The following DMD variants were observed in gnomAD, a reference collection of about 807,000 sequenced individuals.
DMD encodes the protein mutant dystrophin.
DMD carries 63 observed loss-of-function variants against 330.1 expected under a neutral mutation model. The ratio of observed to expected loss-of-function variants is 0.19; its 90% confidence interval spans 0.16 to 0.24. The LOEUF (loss-of-function observed/expected upper bound fraction) is 0.24. DMD is among the 10% of genes least tolerant of loss of function. The pLI, the probability that DMD is intolerant of heterozygous loss-of-function variation, is 1.00. For synonymous variants in DMD, 1,223 were observed against 959.8 expected (o/e 1.27, Z -5.07); for missense variants, 3,344 against 2,684.1 (o/e 1.25, Z -5.43).
At chrX:32,842,378 T>G (rs1374850971) in intron 4 of DMD, among the ~76,000 whole-genome samples, 2 of 112,053 alleles carry the variant, frequency 1.8e-5, no homozygotes, top group Non-Finnish European at 3.8e-5. Flanking sequence ...GCCCTATTCT[T>G]TTGCTCATTG....
intron 76 of DMD, among the ~76,000 whole-genome samples, chrX:31,142,494 A>G (rs952088569): frequency 1.1e-4 from 12 of 112,739 alleles, no homozygotes; most frequent in East Asian, 2.8e-4. Flanking sequence ...ATAGCTATAA[A>G]GCAAATGTGG....
At chrX:32,469,173 A>T (rs1310834071) in intron 22 of DMD, among the ~76,000 whole-genome samples, 1 of 110,537 alleles carries the variant, frequency 9.0e-6, no homozygotes, top group African/African-American at 3.3e-5. Flanking sequence ...ATATATTTTC[A>T]AAAAATGTTA....
chrX:32,639,419 C>T (rs2059307316), intron 11 of DMD, among the ~76,000 whole-genome samples: 2 of 111,405 alleles, frequency 1.8e-5, no homozygotes, highest in South Asian at 3.8e-4. Context: ...GGGGTTCTAA[C>T]AAAACCACAT....
intron 23 of DMD, among the ~76,000 whole-genome samples, chrX:32,465,601 T>TG (rs1469872908): frequency 1.0e-5 from 1 of 99,183 alleles, no homozygotes; most frequent in African/African-American, 3.7e-5. Context: ...TTTTTTTTTT[T>TG]TTGAGATGGA....
intron 71 of DMD, among the ~76,000 whole-genome samples, chrX:31,174,353 T>C (rs1243792790): frequency 8.9e-6 from 1 of 111,992 alleles, no homozygotes; most frequent in Non-Finnish European, 1.9e-5. Context: ...ATGCTTTTTG[T>C]ATATAAACAC....
At chrX:31,378,195 A>AG (rs1261652931) in intron 60 of DMD, among the ~76,000 whole-genome samples, 1 of 111,624 alleles carries the variant, frequency 9.0e-6, no homozygotes, top group African/African-American at 3.3e-5. Context: ...CACTCGGATC[A>AG]GGGGACCTCC....
At chrX:33,173,428 A>G (rs1204607123) in intron 1 of DMD, among the ~76,000 whole-genome samples, 4 of 111,846 alleles carry the variant, frequency 3.6e-5, no homozygotes, top group Non-Finnish European at 7.5e-5. Context: ...TTGATGTACA[A>G]AAACCTTTAC....
chrX:31,252,844 T>C (rs899921997), intron 63 of DMD, among the ~76,000 whole-genome samples: 1 of 111,464 alleles, frequency 9.0e-6, no homozygotes, highest in Admixed American at 9.5e-5. Context: ...AAACCCCGTC[T>C]CTACTAAAAA....
intron 55 of DMD, among the ~76,000 whole-genome samples, chrX:31,570,176 T>C (rs1941467609): frequency 1.8e-5 from 2 of 111,607 alleles, no homozygotes; most frequent in South Asian, 7.5e-4. Flanking sequence ...TTGAAACTTT[T>C]GAATAGGACT....
intron 53 of DMD, among the ~76,000 whole-genome samples, chrX:31,670,914 CTTTT>C (rs751198197): frequency 2.1e-5 from 2 of 96,643 alleles, no homozygotes; most frequent in Non-Finnish European, 4.2e-5. Context: ...ACAAAACCTT[CTTTT>C]TTTTTTTTTT....
intron 44 of DMD, among the ~76,000 whole-genome samples, chrX:32,169,688 T>C (rs897973045): frequency 1.8e-5 from 2 of 111,880 alleles, no homozygotes; most frequent in African/African-American, 6.5e-5. Flanking sequence ...TGTGTCCATC[T>C]GTCCACAATC....
intron 47 of DMD, among the ~76,000 whole-genome samples, chrX:31,898,315 A>G (rs1360595512): frequency 1.8e-5 from 2 of 109,991 alleles, no homozygotes; most frequent in African/African-American, 6.6e-5. Context: ...CGCCAAGTCA[A>G]TCCTGAGCCA....
At chrX:31,356,767 C>T (rs938823267) in intron 60 of DMD, among the ~76,000 whole-genome samples, 3 of 111,625 alleles carry the variant, frequency 2.7e-5, no homozygotes, top group Non-Finnish European at 1.9e-5. Flanking sequence ...CTTCATAGAC[C>T]CAAGTACCTT....
At chrX:32,527,803 TTAGA>T (rs2047057027) in intron 17 of DMD, among the ~76,000 whole-genome samples, 1 of 110,663 alleles carries the variant, frequency 9.0e-6, no homozygotes, top group African/African-American at 3.3e-5. Flanking sequence ...AAGCTAATAT[TTAGA>T]TAAATAGTTC....
chrX:31,561,119 A>G, intron 55 of DMD, among the ~76,000 whole-genome samples: 1 of 112,157 alleles, frequency 8.9e-6, no homozygotes, highest in Non-Finnish European at 1.9e-5. Flanking sequence ...ATACTGTCTA[A>G]CAAGTTGGAT....
intron 44 of DMD, among the ~76,000 whole-genome samples, chrX:31,984,009 A>G (rs897937460): frequency 4.5e-5 from 5 of 111,795 alleles, no homozygotes; most frequent in Non-Finnish European, 9.4e-5. Context: ...TAGATATTAA[A>G]GAGATATATG....
intron 7 of DMD, among the ~76,000 whole-genome samples, chrX:32,733,419 G>T (rs2067991797): frequency 9.1e-6 from 1 of 110,079 alleles, no homozygotes; most frequent in African/African-American, 3.4e-5. Flanking sequence ...GGACCTAATA[G>T]ACATCTACAG....
intron 61 of DMD, among the ~76,000 whole-genome samples, chrX:31,330,411 A>G (rs776898043): frequency 1.1e-4 from 12 of 111,887 alleles, no homozygotes; most frequent in African/African-American, 3.9e-4. Flanking sequence ...CTAAGGGTGT[A>G]GAAGAAGAAG....
intron 21 of DMD, among the ~76,000 whole-genome samples, chrX:32,473,910 T>G (rs1783916811): frequency 9.1e-6 from 1 of 110,192 alleles, no homozygotes; most frequent in African/African-American, 3.3e-5. Flanking sequence ...AGTGGTGATT[T>G]GTGAGATTTT....
Sources: gnomAD v4.1 joint callset for allele counts (sites outside exome capture counted in the v4.1 genomes callset) on GRCh38, gnomAD v4.1.1 for gene constraint, MANE v1.5 for transcripts, NCBI Gene and HGNC (gene_info 2026-07-23, HGNC 2026-07-21) for gene names.